MRPS18B: variants seen among roughly 807,000 people sequenced by gnomAD.
MRPS18B encodes small ribosomal subunit protein mS40.
In MRPS18B, 27 loss-of-function variants were observed where a neutral mutation model predicts 28.4. The ratio of observed to expected loss-of-function variants is 0.95; its 90% CI spans 0.70 to 1.31. The LOEUF (loss-of-function observed/expected upper bound fraction) is 1.31. MRPS18B is among the 40% of genes most tolerant of loss of function. The pLI is 0.00. For missense variants in MRPS18B, 343 were observed against 335.9 expected, an observed-to-expected ratio of 1.02 and a Z score of -0.17; for synonymous variants, 118 against 123.7, an observed-to-expected ratio of 0.95 and a Z score of 0.30.
rs759576822 is a variant in MRPS18B, at chr6:30,625,673, G to A, written c.653G>A (p.Arg218Gln). 5.9e-5 allele frequency: 95 copies of A among 1,612,860 alleles called. No homozygotes were observed. The highest frequency in any genetic ancestry group is 1.0e-4 in the Admixed American group (6 of 59,976). The change falls in exon 7 of 7, where the codon CGG (arginine) becomes CAG (glutamine). Residue 218 changes from arginine (R) to glutamine (Q), a missense_variant. By Grantham distance (43) the Arg-to-Gln change is conservative. Coordinates refer to ENST00000259873, the MANE Select transcript of MRPS18B (RefSeq NM_014046.4). The part of the protein sequence containing the change: ...PPERELSRLR[R>Q]LYQGHLQEES... Reference sequence around the variant, plus strand: ...GAGAGAGAACTGTCTCGCCTTCGCCGGCTTTACCAGGGTCATCTCCAAGAA... The same window carrying A: ...GAGAGAGAACTGTCTCGCCTTCGCCAGCTTTACCAGGGTCATCTCCAAGAA...
At position 30,625,762 on chromosome 6, in the gene MRPS18B, TCCA is replaced by T; in HGVS notation, c.744_746del (p.Thr249del). The T allele has an allele frequency of 6.2e-7, 1 of 1,612,700 alleles. No homozygotes were observed. The highest frequency in any genetic ancestry group is 1.1e-5 in the South Asian group (1 of 91,078). Reference sequence around the variant, plus strand: ...CCCTAGAACACCAGCGGAAGCCTCCTCCACTGGGCAGACAGGCCCTCAGAGTGC... The same window carrying T: ...CCCTAGAACACCAGCGGAAGCCTCCTCTGGGCAGACAGGCCCTCAGAGTGC... On this transcript the variant is annotated inframe_deletion, in exon 7 of 7. Transcript: ENST00000259873.
chr6:30,619,636 G>T (rs780661799), intron 2 of MRPS18B, 35 bp downstream of exon 2: 13 of 1,609,064 alleles, frequency 8.1e-6, no homozygotes, highest in Non-Finnish European at 1.1e-5. Context: ...GGTCAGATAG[G>T]ATTTGAGATA....
chr6:30,625,107 T>C (rs1761426533), intron 6 of MRPS18B, among the ~76,000 whole-genome samples, 165 bp downstream of exon 6: 1 of 152,240 alleles, frequency 6.6e-6, no homozygotes, highest in African/African-American at 2.4e-5. Flanking sequence ...TGTCTTACTT[T>C]ATCATTGTCC....
intron 6 of MRPS18B, 81 bp downstream of exon 6, chr6:30,625,023 T>C (rs1761412280): frequency 1.4e-6 from 2 of 1,473,956 alleles, no homozygotes; most frequent in Admixed American, 1.8e-5. Context: ...ATATAAATGC[T>C]CACACCTGTT....
At chr6:30,623,719 G>A (rs1267486050) in intron 5 of MRPS18B, among the ~76,000 whole-genome samples, 1 of 151,884 alleles carries the variant, frequency 6.6e-6, no homozygotes, top group Non-Finnish European at 1.5e-5. Context: ...ACTCTAGACA[G>A]AAAAATTTTG....
At chr6:30,624,445 A>C (rs1183361157) in intron 5 of MRPS18B, among the ~76,000 whole-genome samples, 1 of 152,154 alleles carries the variant, frequency 6.6e-6, no homozygotes, top group Non-Finnish European at 1.5e-5. Context: ...CAGTACAATC[A>C]GTGTTCAGTT....
At chr6:30,623,837 G>A (rs1369630741) in intron 5 of MRPS18B, among the ~76,000 whole-genome samples, 7 of 151,590 alleles carry the variant, frequency 4.6e-5, no homozygotes, top group Non-Finnish European at 8.8e-5. Context: ...GTGCAATGGT[G>A]CAATCTTGCC....
chr6:30,626,095 T>TAA lies in MRPS18B; in HGVS notation c.*298_*299insAA. The TAA allele has an allele frequency of 3.9e-5, 10 of 257,252 alleles. No individual in the cohort carries two copies. The highest frequency in any genetic ancestry group is 6.5e-5 in the East Asian group (1 of 15,362). 15.9% of individuals were successfully genotyped at this position (257,252 alleles called of 1,614,324 possible). A position where few individuals can be genotyped will look rare whatever the true frequency, so the allele number is the denominator to read the frequency against. On this transcript the variant is annotated 3_prime_UTR_variant, in exon 7 of 7. Transcript: ENST00000259873. ...GCCTGGGTGACAGCTAGACCCTGTC[T>TAA]CAAAAAAAAAAAAAAAGACTGGGAA...
intron 1 of MRPS18B, 44 bp downstream of exon 1, chr6:30,617,987 A>G: frequency 6.2e-7 from 1 of 1,604,386 alleles, no homozygotes; most frequent in Non-Finnish European, 8.5e-7. Context: ...AGTTGGTTAT[A>G]CCTTCTCGAG....
chr6:30,620,159 T>C, intron 4 of MRPS18B, 170 bp downstream of exon 4: 1 of 626,146 alleles, frequency 1.6e-6, no homozygotes, highest in East Asian at 2.8e-5. Context: ...CTACTAAAAA[T>C]ACAAAAAATT....
rs961772386 is a variant in MRPS18B, at chr6:30,626,051, G to T, written c.*254G>T. 2.6e-5 allele frequency: 12 copies of T among 454,392 alleles called. No homozygotes were observed. The Admixed American group carries it at 3.4e-4, about 13-fold the overall frequency. The allele number at this position is 454,392 out of a possible 1,614,324, so 28.1% of individuals were successfully genotyped here. A position where few individuals can be genotyped will look rare whatever the true frequency, so the allele number is the denominator to read the frequency against. On this transcript the variant is annotated 3_prime_UTR_variant, in exon 7 of 7. Coordinates refer to ENST00000259873, the MANE Select transcript of MRPS18B (RefSeq NM_014046.4). ...GAGGCGGAGGTTGCAGTGAGTTGCA[G>T]TCACACCCCTGCACTCCAGCCTGGG...
At position 30,625,535 on chromosome 6, in the gene MRPS18B, C is replaced by T. The variant is rs777045915; in HGVS notation, c.515C>T (p.Pro172Leu). 1.3e-6 allele frequency: 2 copies of T among 1,582,068 alleles called. No individual in the cohort carries two copies. Among genetic ancestry groups the T allele is most frequent in the Non-Finnish European group, 1.7e-6 (2 of 1,157,132 alleles). The change falls in exon 7 of 7, where the codon CCA becomes CTA. Residue 172 changes from proline to leucine, a missense_variant. Physicochemically the swap from Pro to Leu is moderately conservative, Grantham distance 98. Coordinates refer to ENST00000259873, the MANE Select transcript of MRPS18B (RefSeq NM_014046.4). ...ATTTACCACATCCCCCAGGTTGAAC[C>T]ACGGGACCTTGACTTCAGTACCTCT... ...LLIYHIPQVE[P>L]RDLDFSTSHG...
intron 6 of MRPS18B, 55 bp downstream of exon 6, chr6:30,624,997 T>G (rs1761409036): frequency 6.3e-7 from 1 of 1,591,876 alleles, no homozygotes; most frequent in African/African-American, 1.3e-5. Flanking sequence ...GAAGATGACT[T>G]AGGGCTAGAA....
At chr6:30,618,006 T>C in intron 1 of MRPS18B, 63 bp downstream of exon 1, 2 of 1,572,656 alleles carry the variant, frequency 1.3e-6, no homozygotes, top group Non-Finnish European at 1.7e-6. Flanking sequence ...AGGTTGTCGC[T>C]CCACTGTCAG....
At chr6:30,619,837 G>C (rs1172538885) in intron 3 of MRPS18B, 31 bp downstream of exon 3, 2 of 1,609,218 alleles carry the variant, frequency 1.2e-6, no homozygotes, top group Admixed American at 3.3e-5. Flanking sequence ...TGTGGAGTGC[G>C]GGGAGGCCAC....
chr6:30,619,668 C>G (rs769085482), intron 2 of MRPS18B, 41 bp from the exon 3 acceptor site: 15 of 1,609,882 alleles, frequency 9.3e-6, no homozygotes, highest in Non-Finnish European at 1.1e-5. Context: ...CCACCCACTA[C>G]ACTCCCACCC....
chr6:30,618,073 T>A, intron 1 of MRPS18B, 130 bp downstream of exon 1: 12 of 834,022 alleles, frequency 1.4e-5, no homozygotes, highest in East Asian at 8.6e-5. Flanking sequence ...CAGTACTTCC[T>A]GCAACCCCCC....
chr6:30,619,063 G>A (rs950067504), intron 1 of MRPS18B, among the ~76,000 whole-genome samples: 47 of 152,112 alleles, frequency 3.1e-4, no homozygotes, highest in Admixed American at 9.2e-4. Context: ...GACTACAGGC[G>A]CATGCCACCA....
chr6:30,617,937 A>T lies in MRPS18B; in HGVS notation c.72A>T (p.Arg24Ser). 4 of 1,614,196 alleles carry T rather than the reference A, an allele frequency of 2.5e-6. No homozygotes were observed. Among genetic ancestry groups the T allele is most frequent in the South Asian group, 2.2e-5 (2 of 91,086 alleles). Reference sequence around the variant, plus strand: ...TATCTCTCTTCCGAGGTTCTCACAGAGTTCAGGTAACTCTTCGAAAGACAT... The same window carrying T: ...TATCTCTCTTCCGAGGTTCTCACAGTGTTCAGGTAACTCTTCGAAAGACAT... ...PMLSLFRGSH[R>S]VQVPLQTLCT... is the part of the protein sequence containing the mutation. The change falls in exon 1 of 7, where the codon AGA (arginine) becomes AGT (serine). Residue 24 changes from arginine to serine, a missense_variant. Transcript: ENST00000259873.
Sources: gnomAD v4.1 joint callset for allele counts (sites outside exome capture counted in the v4.1 genomes callset) on GRCh38, gnomAD v4.1.1 for gene constraint, MANE v1.5 for transcripts, NCBI Gene and HGNC (gene_info 2026-07-23, HGNC 2026-07-21) for gene names.